XRN2: variants seen among roughly 807,000 people sequenced by gnomAD.
The protein encoded by XRN2 is DHM1-like protein.
XRN2 carries 44 observed loss-of-function variants against 138.5 expected under a neutral mutation model. The ratio of observed to expected loss-of-function variants is 0.32; its 90% CI spans 0.25 to 0.41. The LOEUF is 0.41. XRN2 is among the 10% of genes least tolerant of loss of function. The pLI is 1.00. For synonymous variants in XRN2, 354 were observed against 369.4 expected, an observed-to-expected ratio of 0.96 and a Z score of 0.48; for missense variants, 937 against 1,169.3, an observed-to-expected ratio of 0.80 and a Z score of 2.90.
At chr20:21,346,388 G>T (rs753098756) in intron 16 of XRN2, 27 bp from the exon 17 acceptor site, 6 of 1,612,972 alleles carry the variant, frequency 3.7e-6, no homozygotes, top group Non-Finnish European at 4.2e-6. Context: ...TGTTAATTCA[G>T]CATAAATGAG....
chr20:21,310,202 A>AT (rs760906145), intron 1 of XRN2, among the ~76,000 whole-genome samples: 3 of 152,200 alleles, frequency 2.0e-5, no homozygotes, highest in Non-Finnish European at 4.4e-5. Context: ...CCCGCTGGTT[A>AT]TTTAAGAGTG....
intron 27 of XRN2, among the ~76,000 whole-genome samples, chr20:21,381,624 GA>G (rs1480418749): frequency 6.6e-6 from 1 of 151,956 alleles, no homozygotes; most frequent in Non-Finnish European, 1.5e-5. Context: ...TCTATTTATG[GA>G]AAAGAACTAA....
intron 9 of XRN2, among the ~76,000 whole-genome samples, chr20:21,333,087 A>G (rs2038237056): frequency 2.0e-5 from 3 of 152,188 alleles, no homozygotes; most frequent in South Asian, 4.1e-4. Flanking sequence ...AATATAGTGT[A>G]TTATTTCAGA....
chr20:21,331,264 C>T (rs1009119693), intron 6 of XRN2, among the ~76,000 whole-genome samples: 3 of 152,070 alleles, frequency 2.0e-5, no homozygotes, highest in Non-Finnish European at 4.4e-5. Context: ...TTTCTGATGG[C>T]TAGGTCTGAC....
At position 21,331,816 on chromosome 20, in the gene XRN2, A is replaced by G; in HGVS notation, c.698A>G (p.Asp233Gly). The G allele has an allele frequency of 6.2e-7, 1 of 1,611,204 alleles. No homozygotes were observed. The highest frequency in any genetic ancestry group is 8.5e-7 in the Non-Finnish European group (1 of 1,179,304). Reference sequence around the variant, plus strand: ...ACTCATCATTGTTTATGTGGAGCAGATGGTAAGTTTCTTCTTTGGGATTTG... The same window carrying G: ...ACTCATCATTGTTTATGTGGAGCAGGTGGTAAGTTTCTTCTTTGGGATTTG... Reference protein sequence around the residue: ...PNTHHCLCGADADLIMLGLAT... With the variant: ...PNTHHCLCGAGADLIMLGLAT... Residue 233 changes from aspartate (D) to glycine (G), a missense_variant and splice_region_variant, in exon 8 of 30, where the codon GAT (aspartate) becomes GGT (glycine). Coordinates refer to ENST00000377191, the MANE Select transcript of XRN2 (RefSeq NM_012255.5).
intron 27 of XRN2, among the ~76,000 whole-genome samples, chr20:21,371,501 C>T (rs1364148181): frequency 6.6e-6 from 1 of 152,142 alleles, no homozygotes; most frequent in African/African-American, 2.4e-5. Flanking sequence ...AGCTGCTTCC[C>T]GTAAGATTTA....
chr20:21,386,020 G>A (rs2038933316), intron 28 of XRN2, among the ~76,000 whole-genome samples: 1 of 152,208 alleles, frequency 6.6e-6, no homozygotes, highest in South Asian at 2.1e-4. Context: ...AGTCTTAAAT[G>A]GTGATTGCCT....
intron 27 of XRN2, among the ~76,000 whole-genome samples, chr20:21,379,986 G>A (rs1600720164): frequency 6.6e-6 from 1 of 151,958 alleles, no homozygotes. Context: ...GTCTTCATTC[G>A]ATTTTAAATT....
intron 28 of XRN2, among the ~76,000 whole-genome samples, chr20:21,384,209 T>A (rs1366826470): frequency 6.6e-6 from 1 of 152,224 alleles, no homozygotes; most frequent in African/African-American, 2.4e-5. Flanking sequence ...CCTTTGTCAC[T>A]TGAGTTTTGC....
At chr20:21,347,079 A>G (rs550562766) in intron 17 of XRN2, among the ~76,000 whole-genome samples, 37 of 152,370 alleles carry the variant, frequency 2.4e-4, no homozygotes, top group African/African-American at 8.9e-4. Context: ...AATTTTTGTT[A>G]AAAGTATTTT....
At chr20:21,317,226 AT>A (rs2037971602) in intron 1 of XRN2, among the ~76,000 whole-genome samples, 1 of 151,722 alleles carries the variant, frequency 6.6e-6, no homozygotes, top group African/African-American at 2.4e-5. Flanking sequence ...CTGTTAGGTT[AT>A]TTTTTTGTTT....
In XRN2 at chr20:21,331,609, A is replaced by G. The variant is rs749254198; in HGVS notation, c.625A>G (p.Met209Val). ...SAPGEGEHKI[M>V]DYIRRQRAQP... ...TCCTGGTGAAGGAGAACATAAAATC[A>G]TGGATTACATTAGAAGGCAAAGAGG... The change falls in exon 7 of 30, where the codon ATG becomes GTG. Residue 209 changes from methionine to valine, a missense_variant. By Grantham distance (21) the Met-to-Val change is conservative (BLOSUM62 1). Coordinates refer to ENST00000377191, the MANE Select transcript of XRN2 (RefSeq NM_012255.5). 1 of 1,612,940 alleles carries G rather than the reference A, an allele frequency of 6.2e-7. No individual in the cohort carries two copies. The highest frequency in any genetic ancestry group is 1.7e-5 in the Admixed American group (1 of 59,936).
intron 1 of XRN2, among the ~76,000 whole-genome samples, chr20:21,315,714 G>A (rs1018655779): frequency 1.3e-5 from 2 of 151,992 alleles, no homozygotes; most frequent in Admixed American, 6.6e-5. Flanking sequence ...GGCTGGTCTC[G>A]AATCAACTCC....
At chr20:21,363,342 C>T (rs1344898482) in intron 24 of XRN2, among the ~76,000 whole-genome samples, 6 of 152,056 alleles carry the variant, frequency 3.9e-5, no homozygotes, top group Admixed American at 3.3e-4. Flanking sequence ...GTGCTAAAAA[C>T]GCCCTGCTGA....
chr20:21,353,794 TAAAAA>T, intron 20 of XRN2, among the ~76,000 whole-genome samples: 1 of 138,956 alleles, frequency 7.2e-6, no homozygotes, highest in East Asian at 2.1e-4. Flanking sequence ...GACCCTATCT[TAAAAA>T]AAAAAAAAAA....
chr20:21,362,332 G>C (rs713479), intron 24 of XRN2, among the ~76,000 whole-genome samples: 131,290 of 152,170 alleles, frequency 0.86, 56,978 homozygotes, highest in East Asian at 0.98. Flanking sequence ...TCTCTGTGAC[G>C]CTGGGATTTT....
At chr20:21,314,406 T>C (rs1055437415) in intron 1 of XRN2, among the ~76,000 whole-genome samples, 1 of 152,242 alleles carries the variant, frequency 6.6e-6, no homozygotes, top group Non-Finnish European at 1.5e-5. Context: ...ATTCATGTTA[T>C]GTTTCTATGT....
intron 27 of XRN2, among the ~76,000 whole-genome samples, chr20:21,377,480 T>C (rs1473788380): frequency 1.3e-5 from 2 of 151,782 alleles, no homozygotes; most frequent in Non-Finnish European, 2.9e-5. Context: ...TGGTCTCAAA[T>C]TTCCTGGCCT....
rs1296172227 is a variant in XRN2 at position 21,375,051 on chromosome 20, A to G, written c.2584+6461A>G. On this transcript the variant is annotated intron_variant, in intron 27 of 29. Transcript: ENST00000377191. ...TTTTTTTTTTGGTGGGAATGTGCCC[A>G]TTCTAAAATTTCAAATTTATTGCCA... Among the ~76,000 whole-genome samples the G allele has an allele frequency of 9.3e-5, 8 of 86,092 alleles. No individual in the cohort carries two copies. In the South Asian group the frequency reaches 2.9e-3, roughly 31 times the overall value. The allele number at this position is 86,092 out of a possible 152,430, so 56.5% of individuals were successfully genotyped here.
Sources: allele counts gnomAD v4.1 joint callset (sites outside exome capture counted in the v4.1 genomes callset), GRCh38; gene constraint gnomAD v4.1.1; transcripts MANE v1.5; gene names NCBI Gene and HGNC (gene_info 2026-07-23, HGNC 2026-07-21).